The following MYO3A variants were observed in gnomAD, a reference collection of about 807,000 sequenced individuals.
The protein encoded by MYO3A is myosin-IIIa.
MYO3A carries 180 observed loss-of-function variants against 192.7 expected under a neutral mutation model. The ratio of observed to expected loss-of-function variants is 0.93; its 90% CI spans 0.83 to 1.06. The LOEUF is 1.06. Ranked by LOEUF, MYO3A falls within the 50% of genes least tolerant of loss-of-function variation. MYO3A has a pLI of 0.00. For missense variants in MYO3A, 1,896 were observed against 1,905.0 expected (o/e 1.00, Z 0.09); for synonymous variants, 628 against 645.3 (o/e 0.97, Z 0.41).
chr10:26,116,887 A>G (rs1312508766), intron 17 of MYO3A, among the ~76,000 whole-genome samples: 1 of 152,182 alleles, frequency 6.6e-6, no homozygotes, highest in Non-Finnish European at 1.5e-5. Context: ...AGACATTGCC[A>G]AATGTCCTGT....
At chr10:26,120,071 G>A (rs1838763259) in intron 17 of MYO3A, among the ~76,000 whole-genome samples, 1 of 152,058 alleles carries the variant, frequency 6.6e-6, no homozygotes, top group Non-Finnish European at 1.5e-5. Context: ...GTCGCAGGTG[G>A]GTGGATCACT....
At chr10:25,958,203 G>C (rs7069867) in intron 4 of MYO3A, among the ~76,000 whole-genome samples, 14,106 of 151,950 alleles carry the variant, frequency 0.093, 1,149 homozygotes, top group African/African-American at 0.21. Flanking sequence ...AGATTGTCTT[G>C]CAAGGTTTTT....
intron 4 of MYO3A, among the ~76,000 whole-genome samples, chr10:25,988,217 G>A (rs145105839): frequency 1.1e-3 from 168 of 152,230 alleles, no homozygotes; most frequent in African/African-American, 3.8e-3. Flanking sequence ...GGGGGAAAGT[G>A]TGGGTGGGTG....
chr10:26,024,116 A>C, intron 9 of MYO3A, 29 bp downstream of exon 9: 1 of 1,569,872 alleles, frequency 6.4e-7, no homozygotes. Context: ...TTAAAAAACC[A>C]AAGATATTCC....
chr10:26,113,487 A>AAC (rs398045922), intron 17 of MYO3A, among the ~76,000 whole-genome samples: 10 of 150,562 alleles, frequency 6.6e-5, no homozygotes, highest in Non-Finnish European at 1.2e-4. Context: ...AAAAAAAAAA[A>AAC]CAAAAAAAAA....
intron 33 of MYO3A, among the ~76,000 whole-genome samples, chr10:26,201,644 C>G (rs981080429): frequency 6.6e-5 from 10 of 151,552 alleles, no homozygotes; most frequent in Non-Finnish European, 1.2e-4. Context: ...CGAGATTGCG[C>G]CACTGCACTC....
In MYO3A at chr10:26,212,404, G is replaced by T. The variant is rs1377181883; in HGVS notation, c.*441G>T. 1 of 296,726 alleles carries T rather than the reference G, an allele frequency of 3.4e-6. No homozygotes were observed. The highest frequency in any genetic ancestry group is 6.1e-6 in the Non-Finnish European group (1 of 162,734). 18.4% of individuals were successfully genotyped at this position (296,726 alleles called of 1,614,324 possible). A position where few individuals can be genotyped will look rare whatever the true frequency, so the allele number is the denominator to read the frequency against. The stretch of plus-strand genomic sequence containing the variant: ...CTTGGCCAACAGAACACTTGCTAGC[G>T]GTTGAATCTTAGAGAAAAAAGCCCG... On this transcript the variant is annotated 3_prime_UTR_variant, in exon 35 of 35. Transcript: ENST00000642920.
intron 10 of MYO3A, among the ~76,000 whole-genome samples, chr10:26,048,555 A>ATGTGTGTG (rs71508762): frequency 1.3e-5 from 2 of 150,652 alleles, no homozygotes; most frequent in Non-Finnish European, 3.0e-5. Context: ...ATATATACAT[A>ATGTGTGTG]TGTGTGTGTG....
At chr10:26,172,416 T>C (rs1253433875) in intron 29 of MYO3A, among the ~76,000 whole-genome samples, 1 of 152,184 alleles carries the variant, frequency 6.6e-6, no homozygotes, top group East Asian at 1.9e-4. Flanking sequence ...GCACCCATCA[T>C]TGCACATGTT....
intron 33 of MYO3A, among the ~76,000 whole-genome samples, chr10:26,201,524 CA>C (rs71401880): frequency 1.2e-3 from 168 of 143,094 alleles, no homozygotes; most frequent in Middle Eastern, 7.2e-3. Context: ...ACTAAAAATA[CA>C]AAAAAAAAAA....
intron 26 of MYO3A, among the ~76,000 whole-genome samples, chr10:26,158,168 T>C (rs562945826): frequency 2.0e-5 from 3 of 152,300 alleles, no homozygotes; most frequent in African/African-American, 7.2e-5. Context: ...ATTTGGAAGA[T>C]GAAACAATTA....
At chr10:26,058,917 T>G (rs1349263964) in intron 10 of MYO3A, among the ~76,000 whole-genome samples, 1 of 138,016 alleles carries the variant, frequency 7.2e-6, no homozygotes, top group Non-Finnish European at 1.6e-5. Context: ...TTTTGTTAGA[T>G]TTATACTTAA....
rs1390641881 is a variant in MYO3A, at chr10:26,143,533, CA to C, written c.2350del (p.Met784TrpfsTer22). ...WPLLDMFLQK[P>X]MGLLSLLDEE... ...CTCTTAGATATGTTTCTGCAAAAGC[CA>C]ATGGGTTTACTTTCCCTACTTGATG... On this transcript the variant is annotated frameshift_variant, in exon 21 of 35. Transcript: ENST00000642920. LOFTEE classifies it high-confidence loss of function. 6.2e-7 allele frequency: 1 copy of C among 1,613,952 alleles called. No individual in the cohort carries two copies. The highest frequency in any genetic ancestry group is 8.5e-7 in the Non-Finnish European group (1 of 1,179,930).
At chr10:26,104,504 T>G (rs1430645339) in intron 17 of MYO3A, among the ~76,000 whole-genome samples, 2 of 152,178 alleles carry the variant, frequency 1.3e-5, no homozygotes, top group African/African-American at 4.8e-5. Context: ...TAGGTTTATT[T>G]CTGGACTCTC....
intron 4 of MYO3A, among the ~76,000 whole-genome samples, chr10:25,991,181 C>T (rs1334339216): frequency 1.3e-5 from 2 of 152,166 alleles, no homozygotes; most frequent in East Asian, 1.9e-4. Context: ...CCTGTTGTTT[C>T]CTGACTTTTT....
chr10:25,992,382 G>A (rs566978322), intron 4 of MYO3A, among the ~76,000 whole-genome samples: 15 of 152,252 alleles, frequency 9.9e-5, no homozygotes, highest in African/African-American at 3.1e-4. Flanking sequence ...CTTTGCTGAA[G>A]TTGCTTATCA....
intron 10 of MYO3A, among the ~76,000 whole-genome samples, chr10:26,039,413 A>G (rs973353818): frequency 6.6e-6 from 1 of 151,934 alleles, no homozygotes; most frequent in African/African-American, 2.4e-5. Context: ...ATATTGCCCT[A>G]TAGGCTTTTC....
At chr10:26,196,416 T>A (rs1843408388) in intron 32 of MYO3A, among the ~76,000 whole-genome samples, 1 of 152,256 alleles carries the variant, frequency 6.6e-6, no homozygotes, top group South Asian at 2.1e-4. Context: ...GCTTACTTTG[T>A]CATTGCACTA....
intron 2 of MYO3A, among the ~76,000 whole-genome samples, chr10:25,941,458 G>A (rs7898441): frequency 0.011 from 1,710 of 152,216 alleles, 38 homozygotes; most frequent in African/African-American, 0.037. Flanking sequence ...GTCGGTCCCC[G>A]AGATTCAGGA....
Sources: gnomAD v4.1 joint callset for allele counts (sites outside exome capture counted in the v4.1 genomes callset) on GRCh38, gnomAD v4.1.1 for gene constraint, MANE v1.5 for transcripts, NCBI Gene and HGNC (gene_info 2026-07-23, HGNC 2026-07-21) for gene names.